LCE3E: variants seen among roughly 807,000 people sequenced by gnomAD.
The protein encoded by LCE3E is late cornified envelope 3E, also known as late cornified envelope protein 3E.
For synonymous variants in LCE3E, 40 were observed against 47.0 expected, an observed-to-expected ratio of 0.85 and a Z score of 0.61; for missense variants, 133 against 120.0, an observed-to-expected ratio of 1.11 and a Z score of -0.51.
In LCE3E at chr1:152,566,081, C is replaced by A. The variant is rs202162896; in HGVS notation, c.128G>T (p.Gly43Val). The change falls in exon 2 of 2, where the codon GGC (glycine) becomes GTC (valine). Residue 43 changes from glycine to valine, a missense_variant. Transcript: ENST00000368789. Reference protein sequence around the residue: ...ASSGCAPSSGGCGPSSEGGCF... With the variant: ...ASSGCAPSSGVCGPSSEGGCF... ...GCCGCCCTCGGAGCTAGGGCCACAGCCCCCAGAGCTTGGGGCACAGCCAGA... is the reference window on the plus strand; with the variant it reads ...GCCGCCCTCGGAGCTAGGGCCACAGACCCCAGAGCTTGGGGCACAGCCAGA... 4.3e-5 allele frequency: 69 copies of A among 1,613,662 alleles called. 1 individual carries two copies. The East Asian group carries it at 6.9e-4, about 16-fold the overall frequency.
chr1:152,565,904 C>T lies in LCE3E; in HGVS notation c.*26G>A, dbSNP rs575359474. Reference sequence around the variant, plus strand: ...TGGGATTCTTGTTTCCTCCAAAGATCGCTTGTCTCAGCATCAGGATCTGGA... The same window carrying T: ...TGGGATTCTTGTTTCCTCCAAAGATTGCTTGTCTCAGCATCAGGATCTGGA... On this transcript the variant is annotated 3_prime_UTR_variant, in exon 2 of 2. Coordinates refer to ENST00000368789, the MANE Select transcript of LCE3E (RefSeq NM_178435.4). The T allele has an allele frequency of 5.0e-6, 8 of 1,608,520 alleles. No homozygotes were observed. The highest frequency in any genetic ancestry group is 2.2e-5 in the East Asian group (1 of 44,826).
Position 152,565,759 on chromosome 1 carries a change from CAAG to C in LCE3E, c.*168_*170del, listed in dbSNP as rs1659907287. The C allele has an allele frequency of 8.3e-5, 79 of 952,788 alleles. No homozygotes were observed. In the South Asian group the frequency reaches 1.2e-3, roughly 15 times the overall value. 59.0% of individuals were successfully genotyped at this position (952,788 alleles called of 1,614,324 possible). The stretch of plus-strand genomic sequence containing the variant: ...GACATATGACATCCTGTACATAAAA[CAAG>C]AAGTGCCTTCTGGGGAGAGCTCAGA... On this transcript the variant is annotated 3_prime_UTR_variant, in exon 2 of 2. Coordinates refer to ENST00000368789, the MANE Select transcript of LCE3E (RefSeq NM_178435.4).
rs1292814102 is a variant in LCE3E at position 152,566,093 on chromosome 1, G to C, written c.116C>G (p.Pro39Arg). The C allele has an allele frequency of 1.2e-6, 2 of 1,613,852 alleles. No homozygotes were observed. The highest frequency in any genetic ancestry group is 8.5e-7 in the Non-Finnish European group (1 of 1,180,036). ...CLPPASSGCA[P>R]SSGGCGPSSE... Reference sequence around the variant, plus strand: ...GCTAGGGCCACAGCCCCCAGAGCTTGGGGCACAGCCAGAGGAAGCTGGAGG... The same window carrying C: ...GCTAGGGCCACAGCCCCCAGAGCTTCGGGCACAGCCAGAGGAAGCTGGAGG... The change falls in exon 2 of 2, where the codon CCA becomes CGA. Residue 39 changes from proline (P) to arginine (R), a missense_variant. Physicochemically the swap from Pro to Arg is moderately radical, Grantham distance 103. Transcript: ENST00000368789.
chr1:152,565,958 C>T lies in LCE3E; in HGVS notation c.251G>A (p.Cys84Tyr). ...GSGQQGGGSG[C>Y]CHGSGGCC Reference sequence around the variant, plus strand: ...GCAGCAGCCCCCAGAACCGTGGCAGCAGCCAGAGCCCCCGCCTTGCTGACC... The same window carrying T: ...GCAGCAGCCCCCAGAACCGTGGCAGTAGCCAGAGCCCCCGCCTTGCTGACC... Residue 84 changes from cysteine to tyrosine, a missense_variant, in exon 2 of 2, where the codon TGC (cysteine) becomes TAC (tyrosine). Physicochemically the swap from Cys to Tyr is radical, Grantham distance 194. Coordinates refer to ENST00000368789, the MANE Select transcript of LCE3E (RefSeq NM_178435.4). 6.2e-7 allele frequency: 1 copy of T among 1,613,744 alleles called. No individual in the cohort carries two copies. Among genetic ancestry groups the T allele is most frequent in the Non-Finnish European group, 8.5e-7 (1 of 1,180,010 alleles).
In LCE3E at chr1:152,565,667, G is replaced by A; in HGVS notation, c.*263C>T. On this transcript the variant is annotated 3_prime_UTR_variant, in exon 2 of 2. Transcript: ENST00000368789. Reference sequence around the variant, plus strand: ...GGACGCTGGTGGTAATGAGGACAAGGAACTTTATCTTTTTTACGAGGTTGG... The same window carrying A: ...GGACGCTGGTGGTAATGAGGACAAGAAACTTTATCTTTTTTACGAGGTTGG... 2 of 558,178 alleles carry A rather than the reference G, an allele frequency of 3.6e-6. No individual in the cohort carries two copies. Among genetic ancestry groups the A allele is most frequent in the South Asian group, 2.3e-5 (1 of 44,102 alleles). 34.6% of individuals were successfully genotyped at this position (558,178 alleles called of 1,614,324 possible). A position where few individuals can be genotyped will look rare whatever the true frequency, so the allele number is the denominator to read the frequency against.
Position 152,566,175 on chromosome 1 carries a change from G to T in LCE3E, c.34C>A (p.Pro12Thr), listed in dbSNP as rs769763941. The change falls in exon 2 of 2, where the codon CCC (proline) becomes ACC (threonine). Residue 12 changes from proline to threonine, a missense_variant. Coordinates refer to ENST00000368789, the MANE Select transcript of LCE3E (RefSeq NM_178435.4). ...TTGGGTGAGGGGCACTTGGGTGGGG[G>T]TTGGCACTGCTTCTGGTTCTGCTGG... is the stretch of plus-strand genomic sequence containing the variant. Reference protein sequence around the residue: ...SCQQNQKQCQPPPKCPSPKCP... With the variant: ...SCQQNQKQCQTPPKCPSPKCP... The T allele has an allele frequency of 6.2e-6, 10 of 1,613,854 alleles. No individual in the cohort carries two copies. The Admixed American group carries it at 1.0e-4, about 16-fold the overall frequency.
At chr1:152,566,352 G>T in intron 1 of LCE3E, 123 bp from the exon 2 acceptor site, 2 of 1,007,786 alleles carry the variant, frequency 2.0e-6, no homozygotes, top group Non-Finnish European at 2.9e-6. Context: ...GGTGGGATAT[G>T]CCAGATACTT....
Position 152,566,230 on chromosome 1 carries a change from C to T in LCE3E, c.-21-1G>A, listed in dbSNP as rs765372328. On this transcript the variant is annotated splice_acceptor_variant, in intron 1 of 1. Transcript: ENST00000368789. LOFTEE classifies it low-confidence loss of function (5UTR_SPLICE). ...ACATCTTGGCAGGAGTTGAGATGTCCTGGAGAAAACGAAGCCACTTCTTAG... is the reference window on the plus strand; with the variant it reads ...ACATCTTGGCAGGAGTTGAGATGTCTTGGAGAAAACGAAGCCACTTCTTAG... 3 of 1,611,978 alleles carry T rather than the reference C, an allele frequency of 1.9e-6. No homozygotes were observed. The highest frequency in any genetic ancestry group is 1.1e-5 in the South Asian group (1 of 90,936).
chr1:152,565,794 A>G lies in LCE3E; in HGVS notation c.*136T>C. The stretch of plus-strand genomic sequence containing the variant: ...CTTCTGGGGAGAGCTCAGATCCCCC[A>G]CAGGAAAACCTCCAGCTCAGCCTGT... On this transcript the variant is annotated 3_prime_UTR_variant, in exon 2 of 2. Coordinates refer to ENST00000368789, the MANE Select transcript of LCE3E (RefSeq NM_178435.4). The G allele has an allele frequency of 7.5e-7, 1 of 1,332,028 alleles. No individual in the cohort carries two copies. The highest frequency in any genetic ancestry group is 1.0e-6 in the Non-Finnish European group (1 of 973,216). 82.5% of individuals were successfully genotyped at this position (1,332,028 alleles called of 1,614,324 possible). A position where few individuals can be genotyped will look rare whatever the true frequency, so the allele number is the denominator to read the frequency against.
chr1:152,565,765 G>A lies in LCE3E; in HGVS notation c.*165C>T, dbSNP rs1177582362. 1.1e-5 allele frequency: 11 copies of A among 992,116 alleles called. No homozygotes were observed. Among genetic ancestry groups the A allele is most frequent in the African/African-American group, 8.1e-5 (5 of 61,822 alleles). The allele number at this position is 992,116 out of a possible 1,614,324, so 61.5% of individuals were successfully genotyped here. A position where few individuals can be genotyped will look rare whatever the true frequency, so the allele number is the denominator to read the frequency against. Reference sequence around the variant, plus strand: ...TGACATCCTGTACATAAAACAAGAAGTGCCTTCTGGGGAGAGCTCAGATCC... The same window carrying A: ...TGACATCCTGTACATAAAACAAGAAATGCCTTCTGGGGAGAGCTCAGATCC... On this transcript the variant is annotated 3_prime_UTR_variant, in exon 2 of 2. Coordinates refer to ENST00000368789, the MANE Select transcript of LCE3E (RefSeq NM_178435.4).
At position 152,565,840 on chromosome 1, in the gene LCE3E, T is replaced by A. The variant is rs1330245517; in HGVS notation, c.*90A>T. 31 of 1,537,962 alleles carry A rather than the reference T, an allele frequency of 2.0e-5. No homozygotes were observed. The highest frequency in any genetic ancestry group is 2.7e-5 in the Non-Finnish European group (31 of 1,137,608). On this transcript the variant is annotated 3_prime_UTR_variant, in exon 2 of 2. Transcript: ENST00000368789. ...CCTGTGAAAGTCAGAAGAGGGTATA[T>A]GGGAAGGCATGCGTCAGATGGGGCT...
Position 152,565,988 on chromosome 1 carries a change from C to A in LCE3E, c.221G>T (p.Gly74Val), listed in dbSNP as rs373794388. ...RRQRSNSCDR[G>V]SGQQGGGSGC... ...AGAGCCCCCGCCTTGCTGACCACTG[C>A]CCCTGTCACAGGAGTTGGACCTCTG... Residue 74 changes from glycine (G) to valine (V), a missense_variant, in exon 2 of 2, where the codon GGC (glycine) becomes GTC (valine). Transcript: ENST00000368789. 5.0e-6 allele frequency: 8 copies of A among 1,613,838 alleles called. No homozygotes were observed. The highest frequency in any genetic ancestry group is 1.1e-5 in the South Asian group (1 of 91,070).
rs1659908027 is a variant in LCE3E at position 152,565,777 on chromosome 1, G to T, written c.*153C>A. 7.2e-6 allele frequency: 8 copies of T among 1,113,442 alleles called. No homozygotes were observed. Among genetic ancestry groups the T allele is most frequent in the South Asian group, 4.5e-5 (3 of 66,184 alleles). 69.0% of individuals were successfully genotyped at this position (1,113,442 alleles called of 1,614,324 possible). A position where few individuals can be genotyped will look rare whatever the true frequency, so the allele number is the denominator to read the frequency against. On this transcript the variant is annotated 3_prime_UTR_variant, in exon 2 of 2. Transcript: ENST00000368789. ...CATAAAACAAGAAGTGCCTTCTGGG[G>T]AGAGCTCAGATCCCCCACAGGAAAA...
In LCE3E at chr1:152,566,059, G is replaced by C. The variant is rs372144198; in HGVS notation, c.150C>G (p.Gly50=). ...SSGGCGPSSE[G]GCFLNHHRRH... Reference sequence around the variant, plus strand: ...GCCTGTGGTGGTTCAGGAAGCAGCCGCCCTCGGAGCTAGGGCCACAGCCCC... The same window carrying C: ...GCCTGTGGTGGTTCAGGAAGCAGCCCCCCTCGGAGCTAGGGCCACAGCCCC... Residue 50 remains glycine (G), a synonymous_variant, in exon 2 of 2, where the codon GGC becomes GGG. Transcript: ENST00000368789. 2 of 1,613,764 alleles carry C rather than the reference G, an allele frequency of 1.2e-6. No individual in the cohort carries two copies. Among genetic ancestry groups the C allele is most frequent in the Non-Finnish European group, 1.7e-6 (2 of 1,180,026 alleles).
rs772694799 is a variant in LCE3E at position 152,566,086 on chromosome 1, A to G, written c.123T>C (p.Ser41=). The G allele has an allele frequency of 2.5e-6, 4 of 1,613,842 alleles. No individual in the cohort carries two copies. The South Asian group carries it at 4.4e-5, about 18-fold the overall frequency. ...PPASSGCAPS[S]GGCGPSSEGG... is the part of the protein sequence containing the mutation. ...CCTCGGAGCTAGGGCCACAGCCCCC[A>G]GAGCTTGGGGCACAGCCAGAGGAAG... Residue 41 remains serine, a synonymous_variant, in exon 2 of 2, where the codon TCT becomes TCC. Coordinates refer to ENST00000368789, the MANE Select transcript of LCE3E (RefSeq NM_178435.4).
In LCE3E at chr1:152,566,019, G is replaced by T; in HGVS notation, c.190C>A (p.Arg64=). The part of the protein sequence containing the change: ...LNHHRRHHRC[R]RQRSNSCDRG... ...TCACAGGAGTTGGACCTCTGGCGCC[G>T]GCATCGGTGGTGGCGCCTGTGGTGG... Residue 64 remains arginine, a synonymous_variant, in exon 2 of 2, where the codon CGG becomes AGG. Transcript: ENST00000368789. The T allele has an allele frequency of 6.2e-7, 1 of 1,613,804 alleles. No homozygotes were observed. Among genetic ancestry groups the T allele is most frequent in the African/African-American group, 1.3e-5 (1 of 75,028 alleles).
In LCE3E at chr1:152,566,128, T is replaced by A; in HGVS notation, c.81A>T (p.Val27=). ...PSPKCPPKNP[V]QCLPPASSGC... Reference sequence around the variant, plus strand: ...CAGAGGAAGCTGGAGGCAGACACTGTACTGGGTTCTTTGGGGGACACTTGG... The same window carrying A: ...CAGAGGAAGCTGGAGGCAGACACTGAACTGGGTTCTTTGGGGGACACTTGG... The change falls in exon 2 of 2, where the codon GTA becomes GTT. Residue 27 remains valine (V), a synonymous_variant. Coordinates refer to ENST00000368789, the MANE Select transcript of LCE3E (RefSeq NM_178435.4). 2 of 1,613,866 alleles carry A rather than the reference T, an allele frequency of 1.2e-6. No homozygotes were observed. The highest frequency in any genetic ancestry group is 1.3e-5 in the African/African-American group (1 of 75,048).
rs145382354 is a variant in LCE3E at position 152,565,968 on chromosome 1, C to T, written c.241G>A (p.Gly81Ser). ...CCAGAACCGTGGCAGCAGCCAGAGC[C>T]CCCGCCTTGCTGACCACTGCCCCTG... ...CDRGSGQQGG[G>S]SGCCHGSGGC... Residue 81 changes from glycine (G) to serine (S), a missense_variant, in exon 2 of 2, where the codon GGC (glycine) becomes AGC (serine). By Grantham distance (56) the Gly-to-Ser change is moderately conservative. Transcript: ENST00000368789. The T allele has an allele frequency of 2.7e-5, 43 of 1,613,632 alleles. No homozygotes were observed. Among genetic ancestry groups the T allele is most frequent in the Non-Finnish European group, 3.6e-5 (43 of 1,180,020 alleles).
rs1053157051 is a variant in LCE3E at position 152,565,736 on chromosome 1, C to T, written c.*194G>A. On this transcript the variant is annotated 3_prime_UTR_variant, in exon 2 of 2. Transcript: ENST00000368789. ...CTTGGCAGGTACAGGGGTAGGGGGA[C>T]ATATGACATCCTGTACATAAAACAA... The T allele has an allele frequency of 1.2e-5, 9 of 736,602 alleles. No individual in the cohort carries two copies. The African/African-American group carries it at 1.2e-4, about 10-fold the overall frequency. The allele number at this position is 736,602 out of a possible 1,614,324, so 45.6% of individuals were successfully genotyped here. A position where few individuals can be genotyped will look rare whatever the true frequency, so the allele number is the denominator to read the frequency against.
Sources: allele counts gnomAD v4.1 joint callset, GRCh38; gene constraint gnomAD v4.1.1; transcripts MANE v1.5; gene names NCBI Gene and HGNC (gene_info 2026-07-23, HGNC 2026-07-21).